The following PROS1 variants were observed in gnomAD, a reference collection of about 807,000 sequenced individuals.
PROS1 encodes protein S.
In PROS1, 29 loss-of-function variants were observed where a neutral mutation model predicts 75.9. The ratio of observed to expected loss-of-function variants is 0.38; its 90% CI spans 0.28 to 0.52. The LOEUF (loss-of-function observed/expected upper bound fraction) is 0.52, where lower values mean the gene tolerates loss of function less well. Among genes scored for constraint, PROS1 ranks in the 20% least tolerant of loss-of-function variants. The pLI, the probability that PROS1 is intolerant of heterozygous loss-of-function variation, is 0.83. For synonymous variants in PROS1, 245 were observed against 280.6 expected, an observed-to-expected ratio of 0.87 and a Z score of 1.27; for missense variants, 680 against 810.3, an observed-to-expected ratio of 0.84 and a Z score of 1.95.
In PROS1 at chr3:93,877,210, A is replaced by T; in HGVS notation, c.1645-19T>A. On this transcript the variant is annotated intron_variant, in intron 13 of 14. Transcript: ENST00000394236. Reference sequence around the variant, plus strand: ...GAATATCCTGAAGAGCAGAGCAAAGATTCAATATAAGCAAGGAGTAAGAGT... The same window carrying T: ...GAATATCCTGAAGAGCAGAGCAAAGTTTCAATATAAGCAAGGAGTAAGAGT... 6.4e-7 allele frequency: 1 copy of T among 1,552,630 alleles called. No individual in the cohort carries two copies. Among genetic ancestry groups the T allele is most frequent in the Non-Finnish European group, 8.9e-7 (1 of 1,124,838 alleles).
chr3:93,905,668 A>G, intron 6 of PROS1, 116 bp downstream of exon 6: 3 of 1,106,668 alleles, frequency 2.7e-6, no homozygotes, highest in South Asian at 1.4e-5. Context: ...GTCGATAAAA[A>G]TGTGTTAGTA....
intron 4 of PROS1, among the ~76,000 whole-genome samples, chr3:93,907,357 T>C (rs1333806093): frequency 6.6e-6 from 1 of 152,064 alleles, no homozygotes; most frequent in African/African-American, 2.4e-5. Flanking sequence ...GAAGAACCAC[T>C]GTCTCCAGGC....
At chr3:93,972,813 C>T (rs1326399521) in intron 1 of PROS1, among the ~76,000 whole-genome samples, 4 of 152,146 alleles carry the variant, frequency 2.6e-5, no homozygotes, top group African/African-American at 9.7e-5. Context: ...CCAGCCACTG[C>T]AGTCCAGCCT....
intron 8 of PROS1, among the ~76,000 whole-genome samples, chr3:93,898,032 C>T (rs1002954159): frequency 2.0e-5 from 3 of 151,984 alleles, no homozygotes; most frequent in Non-Finnish European, 2.9e-5. Flanking sequence ...AACCCTATAA[C>T]GCCTAAGGCA....
chr3:93,940,748 G>A (rs181528494), intron 1 of PROS1, among the ~76,000 whole-genome samples: 36 of 152,074 alleles, frequency 2.4e-4, no homozygotes, highest in Middle Eastern at 3.4e-3. Context: ...CTCAACACCA[G>A]TATCCTATCC....
At chr3:93,944,096 T>A (rs2061763632) in intron 1 of PROS1, among the ~76,000 whole-genome samples, 1 of 152,156 alleles carries the variant, frequency 6.6e-6, no homozygotes, top group Non-Finnish European at 1.5e-5. Context: ...CTGGGCCCAA[T>A]AAACATTCAT....
intron 6 of PROS1, 110 bp downstream of exon 6, chr3:93,905,674 T>C (rs1322933666): frequency 2.6e-6 from 3 of 1,142,604 alleles, no homozygotes; most frequent in Non-Finnish European, 2.5e-6. Flanking sequence ...AAAAATGTGT[T>C]AGTATAAGCA....
At chr3:93,907,082 CT>C (rs1708687504) in intron 4 of PROS1, among the ~76,000 whole-genome samples, 1 of 152,220 alleles carries the variant, frequency 6.6e-6, no homozygotes, top group African/African-American at 2.4e-5. Context: ...GAAGTCCCAC[CT>C]TCAGGCTGGG....
intron 1 of PROS1, among the ~76,000 whole-genome samples, chr3:93,958,253 A>G (rs1207426291): frequency 6.6e-6 from 1 of 152,206 alleles, no homozygotes; most frequent in Non-Finnish European, 1.5e-5. Flanking sequence ...CTAACAGAAC[A>G]AGGGTCAAGA....
At chr3:93,881,313 C>A (rs910605098) in intron 12 of PROS1, among the ~76,000 whole-genome samples, 2 of 151,934 alleles carry the variant, frequency 1.3e-5, no homozygotes, top group Non-Finnish European at 1.5e-5. Context: ...CAGAGAGAGA[C>A]CCTGTCTCAA....
intron 1 of PROS1, among the ~76,000 whole-genome samples, chr3:93,963,821 T>A (rs1231828764): frequency 6.6e-6 from 1 of 152,036 alleles, no homozygotes; most frequent in Non-Finnish European, 1.5e-5. Flanking sequence ...CCTACCCCCA[T>A]GACCAAAACA....
chr3:93,966,809 CAAAAAAAAAA>C (rs752321696), intron 1 of PROS1, among the ~76,000 whole-genome samples: 2 of 76,546 alleles, frequency 2.6e-5, no homozygotes, highest in African/African-American at 9.6e-5. Flanking sequence ...GACTCTGTTC[CAAAAAAAAAA>C]AAAAAAAAGA....
At chr3:93,951,031 G>C (rs1576212477) in intron 1 of PROS1, among the ~76,000 whole-genome samples, 1 of 152,158 alleles carries the variant, frequency 6.6e-6, no homozygotes, top group Admixed American at 6.6e-5. Context: ...GAAGTGAGAA[G>C]AGAAGTTTAG....
At chr3:93,884,937 T>G (rs1409301447) in intron 11 of PROS1, 41 bp from the exon 12 acceptor site, 1 of 1,554,206 alleles carries the variant, frequency 6.4e-7, no homozygotes, top group South Asian at 1.1e-5. Context: ...CATTTTAAAC[T>G]TAAACAGTGG....
At chr3:93,875,530 C>A (rs927409203) in intron 14 of PROS1, among the ~76,000 whole-genome samples, 2 of 152,086 alleles carry the variant, frequency 1.3e-5, no homozygotes, top group African/African-American at 4.8e-5. Flanking sequence ...ATTCAACTAA[C>A]TTGTGGATAA....
At chr3:93,935,175 G>A (rs1709164133) in intron 1 of PROS1, among the ~76,000 whole-genome samples, 1 of 152,122 alleles carries the variant, frequency 6.6e-6, no homozygotes, top group Admixed American at 6.5e-5. Flanking sequence ...CAAGAGCTCA[G>A]ATGTTGGCAA....
chr3:93,926,612 A>G (rs1467596430), intron 2 of PROS1, among the ~76,000 whole-genome samples: 1 of 152,258 alleles, frequency 6.6e-6, no homozygotes, highest in Non-Finnish European at 1.5e-5. Flanking sequence ...AGCCTGGGCA[A>G]CAGAAAGAGA....
At chr3:93,902,276 C>T (rs1708607385) in intron 6 of PROS1, among the ~76,000 whole-genome samples, 1 of 152,058 alleles carries the variant, frequency 6.6e-6, no homozygotes, top group Admixed American at 6.6e-5. Flanking sequence ...CCATCCTGGG[C>T]AACAGAGGGA....
chr3:93,883,837 C>G (rs903414144), intron 12 of PROS1, among the ~76,000 whole-genome samples: 11 of 152,044 alleles, frequency 7.2e-5, no homozygotes, highest in Non-Finnish European at 1.3e-4. Flanking sequence ...GTAGTTCTAG[C>G]TACTCAGGAG....
Sources: allele counts gnomAD v4.1 joint callset (sites outside exome capture counted in the v4.1 genomes callset), GRCh38; gene constraint gnomAD v4.1.1; transcripts MANE v1.5; gene names NCBI Gene and HGNC (gene_info 2026-07-23, HGNC 2026-07-21).